The following CMPK2 variants were observed in gnomAD, a reference collection of about 807,000 sequenced individuals.
CMPK2 encodes UMP-CMP kinase 2, mitochondrial.
Under a neutral mutation model 33.4 loss-of-function variants are expected in CMPK2, and 32 were observed. That is an observed-to-expected ratio of 0.96 (90% CI 0.72 to 1.29). The LOEUF (loss-of-function observed/expected upper bound fraction) is 1.29. Ranked by LOEUF, CMPK2 falls within the 50% of genes most tolerant of loss-of-function variation. The probability of loss-of-function intolerance (pLI) is 0.00; values close to 1 mark genes in which losing one functional copy is unlikely to be tolerated. For missense variants in CMPK2, 672 were observed against 616.0 expected (o/e 1.09, Z -0.96); for synonymous variants, 299 against 275.3 (o/e 1.09, Z -0.85).
At chr2:6,842,615 A>C (rs1471360799) in intron 3 of CMPK2, among the ~76,000 whole-genome samples, 1 of 152,200 alleles carries the variant, frequency 6.6e-6, no homozygotes, top group East Asian at 1.9e-4. Context: ...TGCCCTCCCT[A>C]TGGAAAGACT....
chr2:6,866,350 C>G, upstream of CMPK2: 1 of 817,762 alleles, frequency 1.2e-6, no homozygotes, highest in Non-Finnish European at 1.5e-6. Flanking sequence ...GCAGTTCTGG[C>G]TCTTCCCTCT....
In CMPK2 at chr2:6,865,382, G is replaced by T; in HGVS notation, c.315C>A (p.Gly105=). The change falls in exon 1 of 5, where the codon GGC becomes GGA. Residue 105 remains glycine (G), a synonymous_variant. Coordinates refer to ENST00000256722, the MANE Select transcript of CMPK2 (RefSeq NM_207315.4). ...TGAGCAGCTGGCACCGCTGGAAGGG[G>T]CCGCGGCGCAGCTGGTGCAGCAGGC... is the stretch of plus-strand genomic sequence containing the variant. ...HQRLLHQLRR[G]PFQRCQLLRL... is the part of the protein sequence containing the mutation. 7.3e-7 allele frequency: 1 copy of T among 1,377,442 alleles called. No homozygotes were observed. The highest frequency in any genetic ancestry group is 9.3e-7 in the Non-Finnish European group (1 of 1,074,912). 85.3% of individuals were successfully genotyped at this position (1,377,442 alleles called of 1,614,324 possible).
Position 6,849,423 on chromosome 2 carries a change from G to A in CMPK2, c.*427C>T. 1.0e-6 allele frequency: 1 copy of A among 992,718 alleles called. No homozygotes were observed. The highest frequency in any genetic ancestry group is 1.2e-6 in the Non-Finnish European group (1 of 834,926). 61.5% of individuals were successfully genotyped at this position (992,718 alleles called of 1,614,324 possible). A position where few individuals can be genotyped will look rare whatever the true frequency, so the allele number is the denominator to read the frequency against. The stretch of plus-strand genomic sequence containing the variant: ...GCAACCAGATGTGGAAGAAGCCAAT[G>A]TGGGCATGTCACGATCTCATCAGCA... On this transcript the variant is annotated 3_prime_UTR_variant, in exon 5 of 5. Coordinates refer to ENST00000256722, the MANE Select transcript of CMPK2 (RefSeq NM_207315.4).
rs977147165 is a variant in CMPK2, at chr2:6,865,493, G to A, written c.204C>T (p.Pro68=). 4 of 1,268,202 alleles carry A rather than the reference G, an allele frequency of 3.2e-6. No homozygotes were observed. The highest frequency in any genetic ancestry group is 4.3e-5 in the Admixed American group (1 of 23,250). The allele number at this position is 1,268,202 out of a possible 1,614,324, so 78.6% of individuals were successfully genotyped here. ...PDPRLAALLG[P]PERSYSLCVP... is the part of the protein sequence containing the mutation. ...CGCACAGCGAGTAGCTGCGCTCCGG[G>A]GGCCCCAGCAGCGCCGCCAGGCGGG... Residue 68 remains proline (P), a synonymous_variant, in exon 1 of 5, where the codon CCC becomes CCT. Transcript: ENST00000256722.
upstream of CMPK2, chr2:6,866,536 A>C: frequency 9.5e-6 from 9 of 950,744 alleles, no homozygotes; most frequent in Non-Finnish European, 1.1e-5. Flanking sequence ...CTTCCACCAA[A>C]TTGAAGTTTC....
chr2:6,859,685 A>G (rs929093676), intron 3 of CMPK2, among the ~76,000 whole-genome samples: 1 of 152,212 alleles, frequency 6.6e-6, no homozygotes, highest in Admixed American at 6.5e-5. Context: ...GGATGTATGG[A>G]AATGCCTGGA....
At chr2:6,857,607 T>C (rs887858095) in intron 3 of CMPK2, among the ~76,000 whole-genome samples, 1 of 151,492 alleles carries the variant, frequency 6.6e-6, no homozygotes, top group African/African-American at 2.4e-5. Context: ...TGTGAGCCAC[T>C]GCACCTGACC....
At chr2:6,845,917 A>G (rs549729186), downstream of CMPK2, among the ~76,000 whole-genome samples, 1 of 152,138 alleles carries the variant, frequency 6.6e-6, no homozygotes, top group African/African-American at 2.4e-5. Flanking sequence ...TGAAGCTAAG[A>G]TTTGTCTTAT....
chr2:6,865,727 G>A lies in CMPK2; in HGVS notation c.-31C>T, dbSNP rs1245023793. On this transcript the variant is annotated 5_prime_UTR_variant, in exon 1 of 5. Transcript: ENST00000256722. Reference sequence around the variant, plus strand: ...CCTCAGCGACGCCGCCCTCGGCCCCGCCTCGGAAACGAAACCTGGCGGGAG... The same window carrying A: ...CCTCAGCGACGCCGCCCTCGGCCCCACCTCGGAAACGAAACCTGGCGGGAG... 3.1e-6 allele frequency: 4 copies of A among 1,279,878 alleles called. No individual in the cohort carries two copies. The African/African-American group carries it at 6.3e-5, about 20-fold the overall frequency. 79.3% of individuals were successfully genotyped at this position (1,279,878 alleles called of 1,614,324 possible). A position where few individuals can be genotyped will look rare whatever the true frequency, so the allele number is the denominator to read the frequency against.
intron 3 of CMPK2, among the ~76,000 whole-genome samples, chr2:6,859,336 T>C (rs1662805763): frequency 6.6e-6 from 1 of 152,188 alleles, no homozygotes; most frequent in South Asian, 2.1e-4. Context: ...GAAGTTTGCA[T>C]AAGCAATGAG....
intron 3 of CMPK2, among the ~76,000 whole-genome samples, chr2:6,857,450 G>T (rs1206130930): frequency 6.6e-6 from 1 of 151,034 alleles, no homozygotes; most frequent in African/African-American, 2.4e-5. Context: ...AAGTAGCTGG[G>T]ACTACAAGTG....
chr2:6,852,885 A>T (rs751523312), intron 3 of CMPK2, among the ~76,000 whole-genome samples: 90 of 152,342 alleles, frequency 5.9e-4, no homozygotes, highest in Non-Finnish European at 6.6e-4. Context: ...TTTATGATAT[A>T]AACATTCCAA....
intron 3 of CMPK2, among the ~76,000 whole-genome samples, chr2:6,860,348 G>C (rs1043939967): frequency 6.6e-6 from 1 of 152,184 alleles, no homozygotes; most frequent in African/African-American, 2.4e-5. Flanking sequence ...TGAGATTTGG[G>C]AGAGGCCAGG....
Position 6,865,619 on chromosome 2 carries a change from G to T in CMPK2, c.78C>A (p.Ala26=). The T allele has an allele frequency of 7.2e-7, 1 of 1,393,588 alleles. No homozygotes were observed. The highest frequency in any genetic ancestry group is 9.3e-7 in the Non-Finnish European group (1 of 1,073,846). The allele number at this position is 1,393,588 out of a possible 1,614,324, so 86.3% of individuals were successfully genotyped here. The change falls in exon 1 of 5, where the codon GCC becomes GCA. Residue 26 remains alanine (A), a synonymous_variant. Transcript: ENST00000256722. The stretch of plus-strand genomic sequence containing the variant: ...GGACGAAGCGGCGCGGCGGAGCCAT[G>T]GCCCCAGCGCAGACCCCGCGCCGCC... ...LLGRRGVCAG[A]MAPPRRFVLE...
chr2:6,865,578 C>A lies in CMPK2; in HGVS notation c.119G>T (p.Cys40Phe). 7.2e-7 allele frequency: 1 copy of A among 1,379,376 alleles called. No individual in the cohort carries two copies. The allele number at this position is 1,379,376 out of a possible 1,614,324, so 85.4% of individuals were successfully genotyped here. ...PRRFVLELPDCTLAHFALGAD... is the reference protein window; with the variant it reads ...PRRFVLELPDFTLAHFALGAD... ...GCCTAGGGCGAAGTGAGCCAGGGTG[C>A]AGTCGGGAAGCTCCAGGACGAAGCG... Residue 40 changes from cysteine to phenylalanine, a missense_variant, in exon 1 of 5, where the codon TGC (cysteine) becomes TTC (phenylalanine). Coordinates refer to ENST00000256722, the MANE Select transcript of CMPK2 (RefSeq NM_207315.4).
chr2:6,861,873 G>GCTTGGC (rs1322221192), intron 2 of CMPK2: 24 of 161,580 alleles, frequency 1.5e-4, no homozygotes, highest in Admixed American at 1.5e-3. Flanking sequence ...GCCCCTTTGG[G>GCTTGGC]CTTGGCCTTG....
At chr2:6,841,870 A>T (rs777187725) in intron 3 of CMPK2, among the ~76,000 whole-genome samples, 7 of 152,208 alleles carry the variant, frequency 4.6e-5, no homozygotes, top group Admixed American at 6.5e-5. Flanking sequence ...ATGGTATTTA[A>T]TAAAAGAGCC....
At position 6,865,744 on chromosome 2, in the gene CMPK2, T is replaced by C. The variant is rs144976575; in HGVS notation, c.-48A>G. 1.3e-3 allele frequency: 1,637 copies of C among 1,275,112 alleles called. 15 individuals are homozygous for C. In the East Asian group the frequency reaches 0.024, roughly 19 times the overall value. The allele number at this position is 1,275,112 out of a possible 1,614,324, so 79.0% of individuals were successfully genotyped here. A position where few individuals can be genotyped will look rare whatever the true frequency, so the allele number is the denominator to read the frequency against. On this transcript the variant is annotated 5_prime_UTR_variant, in exon 1 of 5. Coordinates refer to ENST00000256722, the MANE Select transcript of CMPK2 (RefSeq NM_207315.4). Reference sequence around the variant, plus strand: ...TCGGCCCCGCCTCGGAAACGAAACCTGGCGGGAGCCAGGCGCCGGCGGGAA... The same window carrying C: ...TCGGCCCCGCCTCGGAAACGAAACCCGGCGGGAGCCAGGCGCCGGCGGGAA...
chr2:6,850,118 A>G (rs944297673), intron 4 of CMPK2, 145 bp from the exon 5 acceptor site: 2 of 601,684 alleles, frequency 3.3e-6, no homozygotes, highest in Admixed American at 3.2e-5. Context: ...CCCACAGAAG[A>G]CGTTCATGCA....
Sources: gnomAD v4.1 joint callset for allele counts (sites outside exome capture counted in the v4.1 genomes callset) on GRCh38, gnomAD v4.1.1 for gene constraint, MANE v1.5 for transcripts, NCBI Gene and HGNC (gene_info 2026-07-23, HGNC 2026-07-21) for gene names.